B3GALNT2: variants seen among roughly 807,000 people sequenced by gnomAD.
B3GALNT2 encodes UDP-GalNAc:beta-1,3-N-acetylgalactosaminyltransferase 2.
B3GALNT2 carries 53 observed loss-of-function variants against 61.1 expected under a neutral mutation model. That is an observed-to-expected ratio of 0.87 (90% confidence interval 0.70 to 1.09). The LOEUF (loss-of-function observed/expected upper bound fraction) is 1.09, where lower values mean the gene tolerates loss of function less well. Ranked by LOEUF, B3GALNT2 falls within the 50% of genes least tolerant of loss-of-function variation. The pLI, the probability that B3GALNT2 is intolerant of heterozygous loss-of-function variation, is 0.00. For missense variants in B3GALNT2, 544 were observed against 623.0 expected (o/e 0.87, Z 1.35); for synonymous variants, 223 against 237.4 (o/e 0.94, Z 0.56).
intron 3 of B3GALNT2, 59 bp downstream of exon 3, chr1:235,489,109 T>G: frequency 6.3e-7 from 1 of 1,592,018 alleles, no homozygotes; most frequent in Non-Finnish European, 8.5e-7. Flanking sequence ...CTATTAAGCT[T>G]AGCAACTTTT....
intron 6 of B3GALNT2, among the ~76,000 whole-genome samples, chr1:235,466,503 C>T (rs1468619553): frequency 1.3e-5 from 2 of 152,090 alleles, no homozygotes; most frequent in Non-Finnish European, 2.9e-5. Context: ...CAGGTGTGCA[C>T]CACCATGCCC....
Position 235,454,230 on chromosome 1 carries a change from C to G in B3GALNT2, c.1237G>C (p.Gly413Arg), listed in dbSNP as rs375815861. 6.2e-7 allele frequency: 1 copy of G among 1,613,716 alleles called. No individual in the cohort carries two copies. Among genetic ancestry groups the G allele is most frequent in the Non-Finnish European group, 8.5e-7 (1 of 1,179,748 alleles). Residue 413 changes from glycine to arginine, a missense_variant, in exon 10 of 12, where the codon GGG becomes CGG. Transcript: ENST00000366600. ...PSPAYPAFAC[G>R]SGYVISKDIV... ...TCCTTGGAGATCACATATCCTGACC[C>G]ACATGCAAAGGCAGGGTAAGCGGGG...
chr1:235,441,668 A>G, the B3GALNT2 span: 1 of 701,082 alleles, frequency 1.4e-6, no homozygotes, highest in Admixed American at 2.4e-5. Context: ...ACTCCTAAAA[A>G]TCACACTGAA....
At chr1:235,487,911 C>T (rs1349538030) in intron 3 of B3GALNT2, among the ~76,000 whole-genome samples, 1 of 152,086 alleles carries the variant, frequency 6.6e-6, no homozygotes, top group Admixed American at 6.6e-5. Context: ...ACCTCAGCCT[C>T]CCAAGCAGCT....
At chr1:235,439,927 G>A in the B3GALNT2 span, among the ~76,000 whole-genome samples, 1 of 151,992 alleles carries the variant, frequency 6.6e-6, no homozygotes, top group Non-Finnish European at 1.5e-5. Context: ...TCAGCTTCCA[G>A]AGTAGCTGGG....
rs1363264596 is a variant in B3GALNT2 at position 235,492,440 on chromosome 1, C to A, written c.260+2241G>T. ...CAAATCAAGCACGCTAAATTTAAAG[C>A]AAGACTGTTATGATGGCAAATAAAT... is the stretch of plus-strand genomic sequence containing the variant. On this transcript the variant is annotated intron_variant, in intron 2 of 11. Transcript: ENST00000366600. Among the ~76,000 whole-genome samples the A allele has an allele frequency of 1.5e-4, 23 of 152,070 alleles. 1 individual carries two copies. The highest frequency in any genetic ancestry group is 1.5e-3 in the Admixed American group (23 of 15,272).
At chr1:235,489,388 T>G in intron 2 of B3GALNT2, 120 bp from the exon 3 acceptor site, 2 of 1,440,826 alleles carry the variant, frequency 1.4e-6, no homozygotes, top group Non-Finnish European at 1.8e-6. Context: ...ATTAATTCTC[T>G]ACCTTTATTC....
Position 235,449,933 on chromosome 1 carries a change from G to C in B3GALNT2, c.*273C>G, listed in dbSNP as rs538210617. 3.3e-6 allele frequency: 1 copy of C among 305,248 alleles called. No individual in the cohort carries two copies. Among genetic ancestry groups the C allele is most frequent in the Non-Finnish European group, 6.2e-6 (1 of 162,430 alleles). The allele number at this position is 305,248 out of a possible 1,614,324, so 18.9% of individuals were successfully genotyped here. A position where few individuals can be genotyped will look rare whatever the true frequency, so the allele number is the denominator to read the frequency against. On this transcript the variant is annotated 3_prime_UTR_variant, in exon 12 of 12. Coordinates refer to ENST00000366600, the MANE Select transcript of B3GALNT2 (RefSeq NM_152490.5). ...ATTAGCCACAATGCATCAGGATTTA[G>C]AAATATTTTTTCTTTTATAAAATAA...
intron 1 of B3GALNT2, 36 bp downstream of exon 1, chr1:235,504,105 C>T: frequency 3.3e-6 from 4 of 1,205,474 alleles, no homozygotes; most frequent in Non-Finnish European, 4.1e-6. Flanking sequence ...CCCACCCCCC[C>T]GGCGGCCGCC....
chr1:235,467,501 T>C (rs1683760307), intron 6 of B3GALNT2, among the ~76,000 whole-genome samples: 1 of 114,814 alleles, frequency 8.7e-6, no homozygotes, highest in East Asian at 2.4e-4. Flanking sequence ...TTTTTTTTTT[T>C]GAGACGAAGT....
At position 235,447,662 on chromosome 1, in the gene B3GALNT2, G is replaced by A. The variant is rs954554685; in HGVS notation, c.*2544C>T. On this transcript the variant is annotated 3_prime_UTR_variant, in exon 12 of 12. Coordinates refer to ENST00000366600, the MANE Select transcript of B3GALNT2 (RefSeq NM_152490.5). ...TGAGTCCCATTCCAGTGTTCGTTCA[G>A]TAATTCATAAGGAAGTCATCATAAA... is the stretch of plus-strand genomic sequence containing the variant. Among the ~76,000 whole-genome samples, 3 of 152,144 alleles carry A rather than the reference G, an allele frequency of 2.0e-5. No individual in the cohort carries two copies. The highest frequency in any genetic ancestry group is 7.2e-5 in the African/African-American group (3 of 41,396).
In B3GALNT2 at chr1:235,489,257, T is replaced by C; in HGVS notation, c.272A>G (p.Lys91Arg). 6.2e-7 allele frequency: 1 copy of C among 1,613,666 alleles called. No individual in the cohort carries two copies. Among genetic ancestry groups the C allele is most frequent in the Non-Finnish European group, 8.5e-7 (1 of 1,179,860 alleles). ...ACAGCCATGAGCACCTATTATGAAC[T>C]TCACAAGCACACTGAGAGATGTGTT... The part of the protein sequence containing the change: ...HPTLSQRVLV[K>R]FIIGAHGCEV... The change falls in exon 3 of 12, where the codon AAG becomes AGG. Residue 91 changes from lysine to arginine, a missense_variant. By Grantham distance (26) the Lys-to-Arg change is conservative. Transcript: ENST00000366600.
Position 235,458,650 on chromosome 1 carries a change from G to A in B3GALNT2, c.978C>T (p.Val326=), listed in dbSNP as rs368371048. 1.4e-5 allele frequency: 22 copies of A among 1,611,610 alleles called. No individual in the cohort carries two copies. Among genetic ancestry groups the A allele is most frequent in the African/African-American group, 4.0e-5 (3 of 74,702 alleles). The stretch of plus-strand genomic sequence containing the variant: ...TTGCAGGAACATTACGATAAGTGTC[G>A]ACAACATCCACAAAAACAATATCAT... ...IYDDIVFVDV[V]DTYRNVPAKL... Residue 326 remains valine (V), a synonymous_variant, in exon 8 of 12, where the codon GTC becomes GTT. Coordinates refer to ENST00000366600, the MANE Select transcript of B3GALNT2 (RefSeq NM_152490.5).
At chr1:235,463,086 G>A (rs190871062) in intron 7 of B3GALNT2, among the ~76,000 whole-genome samples, 1 of 152,190 alleles carries the variant, frequency 6.6e-6, no homozygotes, top group African/African-American at 2.4e-5. Context: ...CAGCACCTGC[G>A]TGCAGTTGGA....
At chr1:235,496,958 G>C (rs952143684) in intron 1 of B3GALNT2, among the ~76,000 whole-genome samples, 12 of 152,156 alleles carry the variant, frequency 7.9e-5, no homozygotes, top group African/African-American at 2.9e-4. Flanking sequence ...CTTTATCACT[G>C]TTCTATTCTA....
At chr1:235,494,531 A>C (rs1572557273) in intron 2 of B3GALNT2, 150 bp downstream of exon 2, 1 of 733,680 alleles carries the variant, frequency 1.4e-6, no homozygotes, top group Non-Finnish European at 2.2e-6. Flanking sequence ...ATCATGGCTC[A>C]CTGCAGCCTC....
Position 235,455,106 on chromosome 1 carries a change from A to G in B3GALNT2, c.1151+453T>C, listed in dbSNP as rs139123187. Among the ~76,000 whole-genome samples the G allele has an allele frequency of 1.3e-4, 20 of 151,690 alleles. No individual in the cohort carries two copies. In the East Asian group the frequency reaches 3.5e-3, roughly 26 times the overall value. On this transcript the variant is annotated intron_variant, in intron 9 of 11. Transcript: ENST00000366600. ...TTCATTTAAAAAATAATTTCCTCCA[A>G]TTGTACAGTAATATAAAATTTATTA...
At chr1:235,470,162 G>A (rs1385411687) in intron 6 of B3GALNT2, among the ~76,000 whole-genome samples, 1 of 152,098 alleles carries the variant, frequency 6.6e-6, no homozygotes, top group Admixed American at 6.6e-5. Flanking sequence ...GCCTCCTAAA[G>A]TTCTGGGATT....
In B3GALNT2 at chr1:235,470,952, T is replaced by G; in HGVS notation, c.660A>C (p.Glu220Asp). The G allele has an allele frequency of 1.2e-6, 2 of 1,613,786 alleles. No individual in the cohort carries two copies. The highest frequency in any genetic ancestry group is 1.7e-6 in the Non-Finnish European group (2 of 1,179,796). The part of the protein sequence containing the change: ...VEQFILPESF[E>D]GTIVWESQDL... Reference sequence around the variant, plus strand: ...CTTGGCTCTCCCACACGATTGTACCTTCAAAGCTCTTTTGTAGAAAGATGA... The same window carrying G: ...CTTGGCTCTCCCACACGATTGTACCGTCAAAGCTCTTTTGTAGAAAGATGA... Residue 220 changes from glutamate to aspartate, a missense_variant, in exon 6 of 12, where the codon GAA becomes GAC. Physicochemically the swap from Glu to Asp is conservative, Grantham distance 45. Coordinates refer to ENST00000366600, the MANE Select transcript of B3GALNT2 (RefSeq NM_152490.5).
Sources: gnomAD v4.1 joint callset for allele counts (sites outside exome capture counted in the v4.1 genomes callset) on GRCh38, gnomAD v4.1.1 for gene constraint, MANE v1.5 for transcripts, NCBI Gene and HGNC (gene_info 2026-07-23, HGNC 2026-07-21) for gene names.